ARHGAP17: variants seen among roughly 807,000 people sequenced by gnomAD.
The protein encoded by ARHGAP17 is Rho GTPase activating protein 17.
Under a neutral mutation model 99.5 loss-of-function variants are expected in ARHGAP17, and 57 were observed. That is an observed-to-expected ratio of 0.57 (90% CI 0.46 to 0.71). The LOEUF (loss-of-function observed/expected upper bound fraction) is 0.71, where lower values mean the gene tolerates loss of function less well. Ranked by LOEUF, ARHGAP17 falls within the 30% of genes least tolerant of loss-of-function variation. ARHGAP17 has a pLI of 0.00. For synonymous variants in ARHGAP17, 417 were observed against 429.6 expected, an observed-to-expected ratio of 0.97 and a Z score of 0.36; for missense variants, 1,000 against 1,122.4, an observed-to-expected ratio of 0.89 and a Z score of 1.56.
In ARHGAP17 at chr16:24,955,556, A is replaced by C. The variant is rs996457798; in HGVS notation, c.725-826T>G. 5 of 152,262 alleles carry C rather than the reference A, an allele frequency of 3.3e-5. No homozygotes were observed. The highest frequency in any genetic ancestry group is 1.2e-4 in the African/African-American group (5 of 41,462). 9.4% of individuals were successfully genotyped at this position (152,262 alleles called of 1,614,324 possible). A position where few individuals can be genotyped will look rare whatever the true frequency, so the allele number is the denominator to read the frequency against. ...GTGCAAGCTGCAGAGATCTAGTGCT[A>C]TCTGAGCAGCTCGCAGAAGCAAAGG... On this transcript the variant is annotated intron_variant, in intron 9 of 19. Coordinates refer to ENST00000289968, the MANE Select transcript of ARHGAP17 (RefSeq NM_001006634.3). The surrounding 1 kb of genome is among the most constrained non-coding windows in gnomAD (Gnocchi z 4.0).
At chr16:24,940,394 G>GACTACATGTAGTCCAGCAGAC (rs1247775200) in intron 16 of ARHGAP17, among the ~76,000 whole-genome samples, 1 of 152,124 alleles carries the variant, frequency 6.6e-6, no homozygotes, top group African/African-American at 2.4e-5. Context: ...CATGTGAAAG[G>GACTACATGTAGTCCAGCAGAC]TACATAAGGC....
At chr16:24,982,988 ATATATATATTTTT>A (rs1322426042) in intron 1 of ARHGAP17, among the ~76,000 whole-genome samples, 6 of 31,904 alleles carry the variant, frequency 1.9e-4, no homozygotes, top group South Asian at 2.0e-3. Context: ...ATATATATAT[ATATATATATTTTT>A]TTTTTTTTTT....
chr16:24,985,820 A>G (rs2052848758), intron 1 of ARHGAP17, among the ~76,000 whole-genome samples: 1 of 152,062 alleles, frequency 6.6e-6, no homozygotes, highest in Admixed American at 6.6e-5. Flanking sequence ...ACACACACAT[A>G]CGTACACACA....
At chr16:24,962,162 A>AG (rs1378688334) in intron 7 of ARHGAP17, among the ~76,000 whole-genome samples, 213 of 151,428 alleles carry the variant, frequency 1.4e-3, no homozygotes, top group Admixed American at 3.0e-3. Context: ...CACACACACA[A>AG]AGAGAGAAAG....
At position 24,955,652 on chromosome 16, in the gene ARHGAP17, T is replaced by C. The variant is rs1282240535; in HGVS notation, c.725-922A>G. 6.6e-6 allele frequency: 1 copy of C among 152,244 alleles called. No homozygotes were observed. The highest frequency in any genetic ancestry group is 2.4e-5 in the African/African-American group (1 of 41,448). The allele number at this position is 152,244 out of a possible 1,614,324, so 9.4% of individuals were successfully genotyped here. A position where few individuals can be genotyped will look rare whatever the true frequency, so the allele number is the denominator to read the frequency against. On this transcript the variant is annotated intron_variant, in intron 9 of 19. Coordinates refer to ENST00000289968, the MANE Select transcript of ARHGAP17 (RefSeq NM_001006634.3). This position sits in a 1 kb window ranked among gnomAD's most constrained non-coding sequence, Gnocchi z 4.0. ...TCTTTCCAACAACAGGAAGGGTTCA[T>C]GTCCTTCTCTGCACCTTTACTGGCC...
At chr16:24,983,929 T>C (rs564808020) in intron 1 of ARHGAP17, among the ~76,000 whole-genome samples, 1 of 152,328 alleles carries the variant, frequency 6.6e-6, no homozygotes, top group Non-Finnish European at 1.5e-5. Flanking sequence ...TGCCCAGGCC[T>C]TCATAGTGCC....
chr16:24,974,583 C>A (rs574941840), intron 3 of ARHGAP17, among the ~76,000 whole-genome samples: 2 of 152,122 alleles, frequency 1.3e-5, no homozygotes, highest in South Asian at 2.1e-4. Flanking sequence ...AACCACTGAG[C>A]CAAGATTTTT....
intron 1 of ARHGAP17, among the ~76,000 whole-genome samples, chr16:24,993,044 T>C (rs1471498652): frequency 6.6e-6 from 1 of 152,162 alleles, no homozygotes; most frequent in Admixed American, 6.5e-5. Context: ...CAAGTGATCC[T>C]CCTGCCTCAG....
At chr16:24,929,589 A>G (rs1276958725) in intron 19 of ARHGAP17, 10 of 987,740 alleles carry the variant, frequency 1.0e-5, no homozygotes, top group Non-Finnish European at 1.2e-5. Flanking sequence ...GCTATGGGGC[A>G]AGCTGCTCGG....
intron 1 of ARHGAP17, among the ~76,000 whole-genome samples, chr16:24,990,098 T>A (rs189771158): frequency 1.3e-5 from 2 of 152,324 alleles, no homozygotes; most frequent in East Asian, 3.9e-4. Context: ...TGTAAACATA[T>A]CAGAATATCA....
intron 14 of ARHGAP17, among the ~76,000 whole-genome samples, chr16:24,944,565 A>G (rs1247066358): frequency 1.3e-5 from 2 of 152,168 alleles, no homozygotes; most frequent in African/African-American, 2.4e-5. Context: ...AATTTTGCCT[A>G]CGATATCACC....
intron 1 of ARHGAP17, among the ~76,000 whole-genome samples, chr16:25,002,303 T>C (rs779466298): frequency 3.3e-5 from 5 of 152,144 alleles, no homozygotes; most frequent in Non-Finnish European, 5.9e-5. Flanking sequence ...CCCTTGCTCT[T>C]TTCTTCAGCC....
Position 24,954,696 on chromosome 16 carries a change from G to A in ARHGAP17, c.759C>T (p.Pro253=). The change falls in exon 10 of 20, where the codon CCC becomes CCT. Residue 253 remains proline, a synonymous_variant. Transcript: ENST00000289968. ...CGCTCCTCTTCAGGTGTTCTTCTAGGGGAGTCCCAAAGGCTGGTTTTTCCG... is the reference window on the plus strand; with the variant it reads ...CGCTCCTCTTCAGGTGTTCTTCTAGAGGAGTCCCAAAGGCTGGTTTTTCCG... ...KWAEKPAFGT[P]LEEHLKRSGR... The A allele has an allele frequency of 6.2e-7, 1 of 1,613,950 alleles. No individual in the cohort carries two copies. The highest frequency in any genetic ancestry group is 8.5e-7 in the Non-Finnish European group (1 of 1,179,936).
At chr16:25,007,749 A>G (rs2053544667) in intron 1 of ARHGAP17, among the ~76,000 whole-genome samples, 1 of 152,198 alleles carries the variant, frequency 6.6e-6, no homozygotes, top group Non-Finnish European at 1.5e-5. Context: ...ATGCTTTCAG[A>G]TGTTTTCTTT....
chr16:24,939,624 A>G (rs1272345963), intron 16 of ARHGAP17, 27 bp from the exon 17 acceptor site: 1 of 1,573,532 alleles, frequency 6.4e-7, no homozygotes, highest in South Asian at 1.2e-5. Flanking sequence ...AACAGTCAAC[A>G]CACCATGCGA....
At chr16:24,920,367 C>A in intron 19 of ARHGAP17, 107 bp from the exon 20 acceptor site, 1 of 1,413,652 alleles carries the variant, frequency 7.1e-7, no homozygotes, top group Admixed American at 1.8e-5. Flanking sequence ...AGGGTCAGCC[C>A]ATGCACACAG....
In ARHGAP17 at chr16:24,931,022, C is replaced by T. The variant is rs776541771; in HGVS notation, c.2277G>A (p.Thr759=). The T allele has an allele frequency of 3.1e-6, 5 of 1,604,788 alleles. No homozygotes were observed. The highest frequency in any genetic ancestry group is 1.1e-5 in the South Asian group (1 of 90,378). The change falls in exon 19 of 20, where the codon ACG becomes ACA. Residue 759 remains threonine (T), a synonymous_variant. Coordinates refer to ENST00000289968, the MANE Select transcript of ARHGAP17 (RefSeq NM_001006634.3). ...TTCCTAGGGGCGGAGTACTGGGGGG[C>T]GTTGGAGTCTGGGGAGGGGTGTGAG... The part of the protein sequence containing the change: ...QPSHTPPQTP[T]PPSTPPLGKQ...
intron 1 of ARHGAP17, among the ~76,000 whole-genome samples, chr16:24,999,308 A>G (rs2053292030): frequency 6.6e-6 from 1 of 152,248 alleles, no homozygotes; most frequent in Non-Finnish European, 1.5e-5. Context: ...GGTTGCTCTC[A>G]GTTTTTTCCA....
chr16:24,977,387 G>A, intron 2 of ARHGAP17, 68 bp from the exon 3 acceptor site: 4 of 1,290,760 alleles, frequency 3.1e-6, no homozygotes, highest in East Asian at 2.5e-5. Flanking sequence ...ATGCTGGTAG[G>A]AAAAGCATGG....
Sources: allele counts gnomAD v4.1 joint callset (sites outside exome capture counted in the v4.1 genomes callset), GRCh38; gene constraint gnomAD v4.1.1; non-coding constraint Gnocchi (gnomAD v3.1); transcripts MANE v1.5; gene names NCBI Gene and HGNC (gene_info 2026-07-23, HGNC 2026-07-21).